Variants in ACAD10 observed in about 807,000 individuals in gnomAD.
The protein encoded by ACAD10 is acyl-CoA dehydrogenase family member 10, also known as ACAD-10.
ACAD10 carries 112 observed loss-of-function variants against 116.8 expected under a neutral mutation model. The observed-to-expected ratio is 0.96, with a 90% CI of 0.82 to 1.12. The LOEUF is 1.12. ACAD10 is among the 50% of genes most tolerant of loss of function. The pLI is 0.00. For missense variants in ACAD10, 1,259 were observed against 1,350.2 expected, an observed-to-expected ratio of 0.93 and a Z score of 1.06; for synonymous variants, 486 against 510.6, an observed-to-expected ratio of 0.95 and a Z score of 0.65.
At chr12:111,746,884 G>A (rs1889918805) in intron 14 of ACAD10, among the ~76,000 whole-genome samples, 165 bp from the exon 15 acceptor site, 1 of 152,154 alleles carries the variant, frequency 6.6e-6, no homozygotes, top group Non-Finnish European at 1.5e-5. Flanking sequence ...TGTAGTCTCA[G>A]CTGCTTGGGA....
Position 111,718,517 on chromosome 12 carries a change from T to G in ACAD10, c.992+2555T>G, listed in dbSNP as rs1476982958. Among the ~76,000 whole-genome samples, 3 of 152,116 alleles carry G rather than the reference T, an allele frequency of 2.0e-5. No homozygotes were observed. In the East Asian group the frequency reaches 5.8e-4, roughly 30 times the overall value. On this transcript the variant is annotated intron_variant, in intron 7 of 20. Coordinates refer to ENST00000313698, the MANE Select transcript of ACAD10 (RefSeq NM_025247.6). The stretch of plus-strand genomic sequence containing the variant: ...GTTTTGAGGCGGAGTTTTTGCTCTG[T>G]CACCCAGGCTGGAGTGCAGTGGCGC...
chr12:111,687,672 A>G lies in ACAD10; in HGVS notation c.-14+1433A>G, dbSNP rs570410979. Among the ~76,000 whole-genome samples, 4 of 152,332 alleles carry G rather than the reference A, an allele frequency of 2.6e-5. No individual in the cohort carries two copies. In the South Asian group the frequency reaches 8.3e-4, roughly 32 times the overall value. ...CCAGGTACTAATTTGAGTGTTTCAT[A>G]TACCTTGTGTCATGCAATGGTCACA... On this transcript the variant is annotated intron_variant, in intron 1 of 20. Coordinates refer to ENST00000313698, the MANE Select transcript of ACAD10 (RefSeq NM_025247.6).
chr12:111,697,830 C>T (rs976533090), intron 2 of ACAD10, among the ~76,000 whole-genome samples: 4 of 151,926 alleles, frequency 2.6e-5, no homozygotes, highest in Middle Eastern at 3.4e-3. Flanking sequence ...GTGGTCCGCC[C>T]GCCTTGGCCT....
chr12:111,735,492 G>C (rs1309806080), intron 11 of ACAD10, among the ~76,000 whole-genome samples: 1 of 150,484 alleles, frequency 6.6e-6, no homozygotes, highest in Non-Finnish European at 1.5e-5. Flanking sequence ...GTCTCGCTCT[G>C]TTGCCCAGGC....
chr12:111,727,648 CT>C (rs1216913870), intron 8 of ACAD10, among the ~76,000 whole-genome samples: 1 of 152,168 alleles, frequency 6.6e-6, no homozygotes, highest in Non-Finnish European at 1.5e-5. Flanking sequence ...ATTCCTGTGG[CT>C]TACACAAATG....
chr12:111,747,238 C>T (rs1326042017), intron 15 of ACAD10, 52 bp downstream of exon 15: 1 of 1,611,834 alleles, frequency 6.2e-7, no homozygotes, highest in African/African-American at 1.3e-5. Context: ...TTGTCGGCCC[C>T]ACAGGGAACA....
Position 111,705,709 on chromosome 12 carries a change from T to C in ACAD10, c.337-29T>C, listed in dbSNP as rs374231270. On this transcript the variant is annotated intron_variant, in intron 3 of 20. Transcript: ENST00000313698. ...AGTGTTTGTCACTCTTAATGATTGCTGTTCTCCTGTGCCCTCTCCTGTTCT... is the reference window on the plus strand; with the variant it reads ...AGTGTTTGTCACTCTTAATGATTGCCGTTCTCCTGTGCCCTCTCCTGTTCT... 7 of 1,590,906 alleles carry C rather than the reference T, an allele frequency of 4.4e-6. No homozygotes were observed. In the African/African-American group the frequency reaches 8.1e-5, roughly 18 times the overall value.
intron 4 of ACAD10, among the ~76,000 whole-genome samples, chr12:111,706,762 T>TA (rs1464763540): frequency 1.5e-4 from 20 of 131,596 alleles, no homozygotes; most frequent in East Asian, 6.8e-4. Flanking sequence ...ATTTATTTTT[T>TA]TATATATATA....
chr12:111,698,393 G>A (rs1369810971), intron 2 of ACAD10, among the ~76,000 whole-genome samples: 1 of 134,442 alleles, frequency 7.4e-6, no homozygotes, highest in African/African-American at 3.1e-5. Flanking sequence ...CCCGCCTCCT[G>A]AGTAGTGAGC....
In ACAD10 at chr12:111,745,049, G is replaced by A; in HGVS notation, c.2115+6G>A. ...CACTGATCGAAGACCTCAAGGTAAA[G>A]CAGCCATGGTGAGGTGGTAAGACCC... On this transcript the variant is annotated splice_donor_region_variant and intron_variant, in intron 13 of 20. Transcript: ENST00000313698. 1 of 1,609,560 alleles carries A rather than the reference G, an allele frequency of 6.2e-7. No homozygotes were observed. The highest frequency in any genetic ancestry group is 1.3e-5 in the African/African-American group (1 of 75,010).
intron 4 of ACAD10, among the ~76,000 whole-genome samples, chr12:111,708,045 G>A (rs1347726039): frequency 2.6e-5 from 4 of 152,290 alleles, no homozygotes; most frequent in South Asian, 2.1e-4. Flanking sequence ...TGCTTACCTT[G>A]AGAAGGAGGC....
chr12:111,749,256 G>T lies in ACAD10; in HGVS notation c.2728G>T (p.Ala910Ser), dbSNP rs1027524848. The change falls in exon 18 of 21, where the codon GCC becomes TCC. Residue 910 changes from alanine to serine, a missense_variant. Coordinates refer to ENST00000313698, the MANE Select transcript of ACAD10 (RefSeq NM_025247.6). ...VLGPGRGFEI[A>S]QGRLGPGRIH... ...GGGCCCTGGCCGAGGCTTTGAGATC[G>T]CCCAGGGCAGACTGGGCCCCGGCAG... 6.2e-7 allele frequency: 1 copy of T among 1,614,048 alleles called. No individual in the cohort carries two copies. Among genetic ancestry groups the T allele is most frequent in the Non-Finnish European group, 8.5e-7 (1 of 1,180,032 alleles).
chr12:111,688,293 G>T (rs570549655), intron 1 of ACAD10: 35 of 152,316 alleles, frequency 2.3e-4, no homozygotes, highest in African/African-American at 7.9e-4. Flanking sequence ...AAATGCAAAT[G>T]AACCTTGACA....
chr12:111,723,795 C>T (rs974576786), intron 8 of ACAD10, among the ~76,000 whole-genome samples: 7 of 145,478 alleles, frequency 4.8e-5, no homozygotes, highest in African/African-American at 1.3e-4. Flanking sequence ...TCAGATGGGG[C>T]GGCTGCCGGG....
At chr12:111,754,381 C>T (rs1009067288) in intron 19 of ACAD10, among the ~76,000 whole-genome samples, 1 of 152,162 alleles carries the variant, frequency 6.6e-6, no homozygotes, top group Non-Finnish European at 1.5e-5. Flanking sequence ...TGCAGTGGTA[C>T]ATCATGGCTC....
At chr12:111,711,444 C>T (rs767903341) in intron 5 of ACAD10, among the ~76,000 whole-genome samples, 2 of 151,892 alleles carry the variant, frequency 1.3e-5, no homozygotes, top group Non-Finnish European at 1.5e-5. Context: ...CTCCTGACCT[C>T]GTGATACGCC....
At chr12:111,747,220 C>T (rs760870144) in intron 15 of ACAD10, 34 bp downstream of exon 15, 2 of 1,609,680 alleles carry the variant, frequency 1.2e-6, no homozygotes, top group African/African-American at 2.7e-5. Flanking sequence ...ACTTGCCTGG[C>T]CCTGTTGTTG....
chr12:111,695,406 C>T (rs1284672851), intron 2 of ACAD10, among the ~76,000 whole-genome samples: 2 of 152,212 alleles, frequency 1.3e-5, no homozygotes, highest in Non-Finnish European at 2.9e-5. Context: ...TCTCCAACCT[C>T]ATTTGCAACC....
In ACAD10 at chr12:111,756,980, G is replaced by A. The variant is rs796292238; in HGVS notation, c.*507G>A. 4.6e-5 allele frequency: 20 copies of A among 433,000 alleles called. No homozygotes were observed. Among genetic ancestry groups the A allele is most frequent in the African/African-American group, 4.1e-4 (20 of 49,242 alleles). The allele number at this position is 433,000 out of a possible 1,614,324, so 26.8% of individuals were successfully genotyped here. Reference sequence around the variant, plus strand: ...GGGAAAATGGAATGCAACCCACATTGTAAAGCCACTGGCATCTGATTATCT... The same window carrying A: ...GGGAAAATGGAATGCAACCCACATTATAAAGCCACTGGCATCTGATTATCT... On this transcript the variant is annotated 3_prime_UTR_variant, in exon 21 of 21. Coordinates refer to ENST00000313698, the MANE Select transcript of ACAD10 (RefSeq NM_025247.6).
Sources: gnomAD v4.1 joint callset for allele counts (sites outside exome capture counted in the v4.1 genomes callset) on GRCh38, gnomAD v4.1.1 for gene constraint, MANE v1.5 for transcripts, NCBI Gene and HGNC (gene_info 2026-07-23, HGNC 2026-07-21) for gene names.